FREM2: variants seen among roughly 807,000 people sequenced by gnomAD.
FREM2 encodes FRAS1-related extracellular matrix protein 2.
A neutral mutation model predicts 219.9 loss-of-function variants in FREM2; 119 were observed. The observed-to-expected ratio is 0.54, with a 90% CI of 0.47 to 0.63. The LOEUF (loss-of-function observed/expected upper bound fraction) is 0.63, where lower values mean the gene tolerates loss of function less well. FREM2 is among the 30% of genes least tolerant of loss of function. The pLI is 0.00. For missense variants in FREM2, 4,030 were observed against 3,993.6 expected (o/e 1.01, Z -0.25); for synonymous variants, 1,562 against 1,522.8 (o/e 1.03, Z -0.60).
chr13:38,712,896 G>A (rs752146147), intron 2 of FREM2, among the ~76,000 whole-genome samples: 1 of 152,026 alleles, frequency 6.6e-6, no homozygotes, highest in Non-Finnish European at 1.5e-5. Context: ...AATTCTCATA[G>A]TAATTAAGTG....
At chr13:38,719,512 C>T (rs1358069401) in intron 2 of FREM2, among the ~76,000 whole-genome samples, 1 of 152,124 alleles carries the variant, frequency 6.6e-6, no homozygotes, top group Non-Finnish European at 1.5e-5. Context: ...TGAGCCACTG[C>T]ACCTGGCCAG....
intron 1 of FREM2, 132 bp from the exon 2 acceptor site, chr13:38,697,566 C>A: frequency 1.5e-6 from 1 of 673,476 alleles, no homozygotes; most frequent in South Asian, 1.7e-5. Flanking sequence ...AATAAGACAG[C>A]ACTGTTTCTG....
chr13:38,722,349 C>T (rs533598647), intron 2 of FREM2, among the ~76,000 whole-genome samples: 2 of 151,064 alleles, frequency 1.3e-5, no homozygotes, highest in South Asian at 4.2e-4. Context: ...CATGAGCTAT[C>T]TCGTCCAGCC....
intron 21 of FREM2, among the ~76,000 whole-genome samples, chr13:38,877,832 C>T (rs1878394650): frequency 6.6e-6 from 1 of 152,176 alleles, no homozygotes; most frequent in Admixed American, 6.5e-5. Flanking sequence ...ACTTGGACCA[C>T]AATGGGATAT....
Position 38,859,459 on chromosome 13 carries a change from A to G in FREM2, c.7388A>G (p.Lys2463Arg), listed in dbSNP as rs1234334595. Reference protein sequence around the residue: ...VDFDTFFTSSKMVTLDSIYFQ... With the variant: ...VDFDTFFTSSRMVTLDSIYFQ... ...TTCGACACCTTTTTTACGTCATCCA[A>G]GATGGTCACACTGGACTCCATATAC... Residue 2463 changes from lysine to arginine, a missense_variant, in exon 14 of 24, where the codon AAG becomes AGG. Physicochemically the swap from Lys to Arg is conservative, Grantham distance 26. Coordinates refer to ENST00000280481, the MANE Select transcript of FREM2 (RefSeq NM_207361.6). 1 of 1,614,104 alleles carries G rather than the reference A, an allele frequency of 6.2e-7. No individual in the cohort carries two copies. Among genetic ancestry groups the G allele is most frequent in the Non-Finnish European group, 8.5e-7 (1 of 1,180,018 alleles).
chr13:38,717,084 A>G (rs1871034406), intron 2 of FREM2, among the ~76,000 whole-genome samples: 2 of 152,198 alleles, frequency 1.3e-5, no homozygotes, highest in Middle Eastern at 3.2e-3. Flanking sequence ...GTGAGCTGTC[A>G]TGTGATAAGA....
At chr13:38,784,042 C>T (rs562626404) in intron 5 of FREM2, among the ~76,000 whole-genome samples, 157 of 152,272 alleles carry the variant, frequency 1.0e-3, no homozygotes, top group Non-Finnish European at 1.9e-3. Flanking sequence ...GAGGTTGCAG[C>T]GAGCCAAGAT....
chr13:38,832,588 A>C (rs1876552422), intron 6 of FREM2, among the ~76,000 whole-genome samples: 2 of 152,160 alleles, frequency 1.3e-5, no homozygotes, highest in South Asian at 4.1e-4. Flanking sequence ...AAGATATAAT[A>C]ATTTTATACA....
chr13:38,807,459 T>A (rs896496048), intron 6 of FREM2, among the ~76,000 whole-genome samples: 1 of 151,196 alleles, frequency 6.6e-6, no homozygotes, highest in Non-Finnish European at 1.5e-5. Flanking sequence ...TTTGACCAGA[T>A]CTATCAGATA....
At chr13:38,752,869 C>T (rs887711922) in intron 2 of FREM2, among the ~76,000 whole-genome samples, 2 of 152,158 alleles carry the variant, frequency 1.3e-5, no homozygotes, top group African/African-American at 4.8e-5. Flanking sequence ...GTGTAGAGAA[C>T]CACTGCTTTC....
chr13:38,769,311 T>C (rs920798783), intron 3 of FREM2, among the ~76,000 whole-genome samples: 6 of 152,196 alleles, frequency 3.9e-5, no homozygotes, highest in African/African-American at 1.4e-4. Flanking sequence ...TGGTCTTGTT[T>C]GACAAGAAGT....
intron 6 of FREM2, among the ~76,000 whole-genome samples, chr13:38,797,974 T>A (rs2137846672): frequency 6.6e-6 from 1 of 152,282 alleles, no homozygotes; most frequent in South Asian, 2.1e-4. Context: ...TTTCTTTCTC[T>A]TGCCTGATTG....
At chr13:38,709,954 G>A (rs1388404667) in intron 2 of FREM2, among the ~76,000 whole-genome samples, 5 of 149,832 alleles carry the variant, frequency 3.3e-5, no homozygotes, top group African/African-American at 1.2e-4. Flanking sequence ...GACCAGCCTG[G>A]CCAAACGGTG....
At chr13:38,699,925 T>G (rs1171096410) in intron 2 of FREM2, among the ~76,000 whole-genome samples, 2 of 152,116 alleles carry the variant, frequency 1.3e-5, no homozygotes, top group Non-Finnish European at 2.9e-5. Flanking sequence ...ATAGTAGGCA[T>G]ATCTATAAGT....
Position 38,691,408 on chromosome 13 carries a change from G to A in FREM2, c.4064G>A (p.Arg1355Gln), listed in dbSNP as rs753133994. Residue 1355 changes from arginine to glutamine, a missense_variant, in exon 1 of 24, where the codon CGA becomes CAA. Arg to Gln is a conservative substitution (Grantham distance 43). This residue lies in a region of FREM2 where 3,102 missense variants were observed against 2,950.7 expected (regional missense o/e 1.05). Transcript: ENST00000280481. Reference protein sequence around the residue: ...YGPGHGLLQRRKPTGAFENIT... With the variant: ...YGPGHGLLQRQKPTGAFENIT... Reference sequence around the variant, plus strand: ...CCAGGACATGGCTTATTACAGAGACGAAAACCTACTGGTGCCTTTGAAAAT... The same window carrying A: ...CCAGGACATGGCTTATTACAGAGACAAAAACCTACTGGTGCCTTTGAAAAT... The A allele has an allele frequency of 1.1e-5, 17 of 1,614,010 alleles. No homozygotes were observed. The highest frequency in any genetic ancestry group is 9.3e-5 in the African/African-American group (7 of 74,912).
chr13:38,703,156 C>T lies in FREM2; in HGVS notation c.5263+5369C>T, dbSNP rs528399578. On this transcript the variant is annotated intron_variant, in intron 2 of 23. Coordinates refer to ENST00000280481, the MANE Select transcript of FREM2 (RefSeq NM_207361.6). ...GTACAAGTTTTTGCTTGAAAATGAC[C>T]AATAACTTTGGGGTTTAAGGCAAAA... Among the ~76,000 whole-genome samples the T allele has an allele frequency of 4.6e-5, 7 of 152,110 alleles. No individual in the cohort carries two copies. In the East Asian group the frequency reaches 1.4e-3, roughly 29 times the overall value.
At chr13:38,713,349 C>A (rs954520444) in intron 2 of FREM2, among the ~76,000 whole-genome samples, 2 of 152,220 alleles carry the variant, frequency 1.3e-5, no homozygotes, top group Middle Eastern at 3.4e-3. Context: ...GAAAACATAA[C>A]GTAGCAGTGT....
At position 38,687,421 on chromosome 13, in the gene FREM2, C is replaced by A; in HGVS notation, c.77C>A (p.Pro26Gln). The A allele has an allele frequency of 6.2e-7, 1 of 1,604,216 alleles. No individual in the cohort carries two copies. The highest frequency in any genetic ancestry group is 8.5e-7 in the Non-Finnish European group (1 of 1,176,008). ...ACCAGCTTTCAACCAGGACCGCCAC[C>A]GCCGCCCCGGCTGCTGCTGCTGCTG... Reference protein sequence around the residue: ...NSTSFQPGPPPPPRLLLLLLL... With the variant: ...NSTSFQPGPPQPPRLLLLLLL... Residue 26 changes from proline to glutamine, a missense_variant, in exon 1 of 24, where the codon CCG (proline) becomes CAG (glutamine). Coordinates refer to ENST00000280481, the MANE Select transcript of FREM2 (RefSeq NM_207361.6).
rs374717936 is a variant in FREM2, at chr13:38,695,236, G to T, written c.5174-2462G>T. On this transcript the variant is annotated intron_variant, in intron 1 of 23. Coordinates refer to ENST00000280481, the MANE Select transcript of FREM2 (RefSeq NM_207361.6). ...TATGTTATTTGTAGAGGTGCCTTTAGAATACCAGTATGATGATGAAAGTCT... is the reference window on the plus strand; with the variant it reads ...TATGTTATTTGTAGAGGTGCCTTTATAATACCAGTATGATGATGAAAGTCT... 3.9e-5 allele frequency among the ~76,000 whole-genome samples: 6 copies of T among 152,134 alleles called. No individual in the cohort carries two copies. In the South Asian group the frequency reaches 1.0e-3, roughly 26 times the overall value.
Sources: allele counts gnomAD v4.1 joint callset (sites outside exome capture counted in the v4.1 genomes callset), GRCh38; gene constraint gnomAD v4.1.1; regional missense constraint gnomAD v4.1.1; transcripts MANE v1.5; gene names NCBI Gene and HGNC (gene_info 2026-07-23, HGNC 2026-07-21).